The following ARSD variants were observed in gnomAD, a reference collection of about 807,000 sequenced individuals.
ARSD encodes the protein testis tissue sperm-binding protein Li 39a.
A neutral mutation model predicts 32.6 loss-of-function variants in ARSD; 21 were observed. The ratio of observed to expected loss-of-function variants is 0.64; its 90% confidence interval spans 0.46 to 0.93. The LOEUF is 0.93. Ranked by LOEUF, ARSD falls within the 40% of genes least tolerant of loss-of-function variation. The probability of loss-of-function intolerance (pLI) is 0.00; values close to 1 mark genes in which losing one functional copy is unlikely to be tolerated. For missense variants in ARSD, 454 were observed against 520.9 expected (o/e 0.87, Z 1.25); for synonymous variants, 224 against 237.4 (o/e 0.94, Z 0.52).
In ARSD at chrX:2,929,111, A is replaced by T. The variant is rs1265206739; in HGVS notation, c.44+121T>A. On this transcript the variant is annotated intron_variant, in intron 1 of 9. Transcript: ENST00000381154. ...TTTTGGAGACTACAAGGCGCCGGAC[A>T]CAACCACGCCCTTTACAGGGGCCCA... The T allele has an allele frequency of 2.2e-5, 15 of 682,237 alleles. 1 individual carries two copies. In the South Asian group the frequency reaches 9.7e-4, roughly 44 times the overall value. 56.2% of individuals were successfully genotyped at this position (682,237 alleles called of 1,213,427 possible).
chrX:2,929,238 G>A lies in ARSD; in HGVS notation c.38C>T (p.Ala13Val). 1 of 1,037,794 alleles carries A rather than the reference G, an allele frequency of 9.6e-7. No individual in the cohort carries two copies. The highest frequency in any genetic ancestry group is 1.2e-6 in the Non-Finnish European group (1 of 816,097). The allele number at this position is 1,037,794 out of a possible 1,213,427, so 85.5% of individuals were successfully genotyped here. Residue 13 changes from alanine (A) to valine (V), a missense_variant, in exon 1 of 10, where the codon GCC (alanine) becomes GTC (valine). Ala to Val is a moderately conservative substitution (Grantham distance 64, BLOSUM62 0). This residue lies in a region of ARSD where 271 missense variants were observed against 301.0 expected (regional missense o/e 0.90). Coordinates refer to ENST00000381154, the MANE Select transcript of ARSD (RefSeq NM_001669.4). Reference sequence around the variant, plus strand: ...GTCCCGGGGTCCCAGGCACCTGGCGGCGGGCGCGGCGCGTCCCCTCCGCGC... The same window carrying A: ...GTCCCGGGGTCCCAGGCACCTGGCGACGGGCGCGGCGCGTCCCCTCCGCGC... ...SAARRGRAAP[A>V]ARDSLPVLLF...
rs547202741 is a variant in ARSD at position 2,912,625 on chromosome X, A to T, written c.1001-1832T>A. 3.6e-5 allele frequency among the ~76,000 whole-genome samples: 4 copies of T among 111,734 alleles called. No individual in the cohort carries two copies. In the East Asian group the frequency reaches 1.1e-3, roughly 31 times the overall value. ...ACCACCAATACAAAACACAGAATGA[A>T]CACACAACGCCAAGAGGTTGCCAGT... On this transcript the variant is annotated intron_variant, in intron 6 of 9. Coordinates refer to ENST00000381154, the MANE Select transcript of ARSD (RefSeq NM_001669.4).
In ARSD at chrX:2,914,418, TGGGG is replaced by T. The variant is rs58883920; in HGVS notation, c.1000+1134_1000+1137del. The stretch of plus-strand genomic sequence containing the variant: ...TAATTTTTTAAATTTTTTGTAGAGA[TGGGG>T]GGGGGGGGCGTCTCACTATGTTGCC... On this transcript the variant is annotated intron_variant, in intron 6 of 9. Coordinates refer to ENST00000381154, the MANE Select transcript of ARSD (RefSeq NM_001669.4). 35 of 285,794 alleles carry T rather than the reference TGGGG, an allele frequency of 1.2e-4. 1 individual carries two copies. In the East Asian group the frequency reaches 1.5e-3, roughly 12 times the overall value. The allele number at this position is 285,794 out of a possible 1,213,427, so 23.6% of individuals were successfully genotyped here.
intron 6 of ARSD, among the ~76,000 whole-genome samples, chrX:2,915,280 G>A (rs1017272882): frequency 9.9e-5 from 11 of 110,959 alleles, no homozygotes; most frequent in South Asian, 7.7e-4. Context: ...TTAACCTCCC[G>A]AGTAGCTGGG....
At chrX:2,924,801 G>T (rs2089065995) in intron 2 of ARSD, among the ~76,000 whole-genome samples, 1 of 111,914 alleles carries the variant, frequency 8.9e-6, no homozygotes, top group Non-Finnish European at 1.9e-5. Flanking sequence ...ACAGACACAG[G>T]GGAGAAGGCC....
intron 9 of ARSD, chrX:2,907,984 T>C (rs2088866636): frequency 6.1e-6 from 5 of 813,323 alleles, no homozygotes; most frequent in Non-Finnish European, 7.4e-6. Context: ...CTACTACCTT[T>C]CTACACAGAA....
intron 8 of ARSD, 152 bp downstream of exon 8, chrX:2,909,665 G>A (rs1280214034): frequency 1.0e-5 from 6 of 577,123 alleles, no homozygotes; most frequent in Non-Finnish European, 1.4e-5. Flanking sequence ...GCCTGGGCAA[G>A]AGTGTGAGAC....
intron 6 of ARSD, among the ~76,000 whole-genome samples, chrX:2,913,107 C>G (rs1228495054): frequency 8.9e-6 from 1 of 111,780 alleles, no homozygotes; most frequent in Non-Finnish European, 1.9e-5. Flanking sequence ...CATGAGACAT[C>G]CATCGCTACA....
At position 2,905,011 on chromosome X, in the gene ARSD, T is replaced by C. The variant is rs1326355639; in HGVS notation, c.*2260A>G. ...ACCTGAGCTCTATAAATGTTGCCTCTCTCCACTCATCTTCTCTTTGGCTTC... is the reference window on the plus strand; with the variant it reads ...ACCTGAGCTCTATAAATGTTGCCTCCCTCCACTCATCTTCTCTTTGGCTTC... On this transcript the variant is annotated 3_prime_UTR_variant, in exon 10 of 10. Transcript: ENST00000381154. 3.0e-6 allele frequency: 1 copy of C among 337,456 alleles called. No homozygotes were observed. The highest frequency in any genetic ancestry group is 2.7e-5 in the African/African-American group (1 of 36,628). 27.8% of individuals were successfully genotyped at this position (337,456 alleles called of 1,213,427 possible). A position where few individuals can be genotyped will look rare whatever the true frequency, so the allele number is the denominator to read the frequency against.
In ARSD at chrX:2,927,910, G is replaced by T. The variant is rs749433452; in HGVS notation, c.44+1322C>A. Among the ~76,000 whole-genome samples the T allele has an allele frequency of 5.4e-5, 6 of 111,855 alleles. No homozygotes were observed. In the South Asian group the frequency reaches 1.9e-3, roughly 35 times the overall value. On this transcript the variant is annotated intron_variant, in intron 1 of 9. Coordinates refer to ENST00000381154, the MANE Select transcript of ARSD (RefSeq NM_001669.4). ...GAAGTGGCCAATGGGAAACTTCTAG[G>T]GGGTATTTGGACCCAAGAAGATTAT...
At chrX:2,923,238 C>G (rs1341654055) in intron 2 of ARSD, 2 of 244,979 alleles carry the variant, frequency 8.2e-6, no homozygotes, top group African/African-American at 2.9e-5. Context: ...CTTTGGGGGG[C>G]TAAGGTGGGT....
intron 2 of ARSD, among the ~76,000 whole-genome samples, chrX:2,922,360 A>G (rs1298696776): frequency 2.7e-5 from 3 of 110,522 alleles, no homozygotes; most frequent in Non-Finnish European, 5.7e-5. Flanking sequence ...AAGGAGATTT[A>G]TGTTTTCAAT....
rs1181860627 is a variant in ARSD, at chrX:2,920,659, C to T, written c.381G>A (p.Glu127=). The T allele has an allele frequency of 4.1e-6, 5 of 1,210,352 alleles. No homozygotes were observed. The highest frequency in any genetic ancestry group is 5.6e-6 in the Non-Finnish European group (5 of 895,347). The change falls in exon 4 of 10, where the codon GAG becomes GAA. Residue 127 remains glutamate (E), a synonymous_variant. Transcript: ENST00000381154. The part of the protein sequence containing the change: ...QWNAGSGGLP[E]NETTFARILQ... ...AGATTCTTGCAAAAGTGGTTTCGTTCTCAGGGAGTCCACCTGAGCCTGCGT... is the reference window on the plus strand; with the variant it reads ...AGATTCTTGCAAAAGTGGTTTCGTTTTCAGGGAGTCCACCTGAGCCTGCGT...
chrX:2,906,827 T>C lies in ARSD; in HGVS notation c.*444A>G, dbSNP rs890902229. 1 of 118,596 alleles carries C rather than the reference T, an allele frequency of 8.4e-6. No individual in the cohort carries two copies. The allele number at this position is 118,596 out of a possible 1,213,427, so 9.8% of individuals were successfully genotyped here. A position where few individuals can be genotyped will look rare whatever the true frequency, so the allele number is the denominator to read the frequency against. On this transcript the variant is annotated 3_prime_UTR_variant, in exon 10 of 10. Coordinates refer to ENST00000381154, the MANE Select transcript of ARSD (RefSeq NM_001669.4). ...TTCACAAATCAGGAAAGGGAAACCC[T>C]ACATGGGCGCAGTGGCTCGTGCCTG...
intron 2 of ARSD, among the ~76,000 whole-genome samples, chrX:2,923,905 C>T (rs2147328881): frequency 8.9e-6 from 1 of 112,074 alleles, no homozygotes; most frequent in South Asian, 3.7e-4. Flanking sequence ...GTGACAGATG[C>T]ACAGCTCCAT....
Position 2,929,213 on chromosome X carries a change from G to A in ARSD, c.44+19C>T. 1 of 1,041,046 alleles carries A rather than the reference G, an allele frequency of 9.6e-7. No individual in the cohort carries two copies. Among genetic ancestry groups the A allele is most frequent in the Admixed American group, 4.6e-5 (1 of 21,784 alleles). 85.8% of individuals were successfully genotyped at this position (1,041,046 alleles called of 1,213,427 possible). A position where few individuals can be genotyped will look rare whatever the true frequency, so the allele number is the denominator to read the frequency against. On this transcript the variant is annotated intron_variant, in intron 1 of 9. Coordinates refer to ENST00000381154, the MANE Select transcript of ARSD (RefSeq NM_001669.4). ...CACCCTAGGCCTTAGTATGGGCCGC[G>A]TCCCGGGGTCCCAGGCACCTGGCGG...
chrX:2,918,392 C>T (rs1053127782), intron 4 of ARSD, among the ~76,000 whole-genome samples, 165 bp from the exon 5 acceptor site: 1 of 112,773 alleles, frequency 8.9e-6, no homozygotes, highest in African/African-American at 3.2e-5. Context: ...TTTAAATGAA[C>T]GCATTCTGAT....
Position 2,908,974 on chromosome X carries a change from C to T in ARSD, c.1299-132G>A, listed in dbSNP as rs917134149. 2.3e-5 allele frequency: 23 copies of T among 981,469 alleles called. No individual in the cohort carries two copies. The East Asian group carries it at 4.2e-4, about 18-fold the overall frequency. 80.9% of individuals were successfully genotyped at this position (981,469 alleles called of 1,213,427 possible). On this transcript the variant is annotated intron_variant, in intron 8 of 9. Coordinates refer to ENST00000381154, the MANE Select transcript of ARSD (RefSeq NM_001669.4). ...AGCAGAGATGAGCTGTCTCTCCAGT[C>T]GCTGTTCAGATTACAGGTTGCTGAG...
intron 5 of ARSD, among the ~76,000 whole-genome samples, chrX:2,916,384 G>A (rs2088960850): frequency 1.8e-5 from 2 of 109,396 alleles, no homozygotes; most frequent in African/African-American, 6.7e-5. Flanking sequence ...TGTAATCTCG[G>A]CCACTCAAGA....
Sources: gnomAD v4.1 joint callset for allele counts (sites outside exome capture counted in the v4.1 genomes callset) on GRCh38, gnomAD v4.1.1 for gene constraint, gnomAD v4.1.1 regional missense constraint, MANE v1.5 for transcripts, NCBI Gene and HGNC (gene_info 2026-07-23, HGNC 2026-07-21) for gene names.